Variants in FMN2 observed in about 807,000 individuals in gnomAD.
FMN2 encodes the protein formin 2, also known as formin-2.
FMN2 carries 51 observed loss-of-function variants against 142.3 expected under a neutral mutation model. The observed-to-expected ratio is 0.36, with a 90% CI of 0.29 to 0.45. FMN2 has a LOEUF of 0.45. Ranked by LOEUF, FMN2 falls within the 20% of genes least tolerant of loss-of-function variation. The pLI, the probability that FMN2 is intolerant of heterozygous loss-of-function variation, is 1.00. For missense variants in FMN2, 1,936 were observed against 2,122.8 expected, an observed-to-expected ratio of 0.91 and a Z score of 1.73; for synonymous variants, 882 against 869.8, an observed-to-expected ratio of 1.01 and a Z score of -0.25.
rs1671310337 is a variant in FMN2 at position 240,329,551 on chromosome 1, T to C, written c.4437+83T>C. The C allele has an allele frequency of 2.0e-6, 3 of 1,529,260 alleles. No individual in the cohort carries two copies. The African/African-American group carries it at 4.2e-5, about 21-fold the overall frequency. 94.7% of individuals were successfully genotyped at this position (1,529,260 alleles called of 1,614,324 possible). A position where few individuals can be genotyped will look rare whatever the true frequency, so the allele number is the denominator to read the frequency against. ...GTTCTTATTTCAGAAAAGCATTCTTTTATTTACTCTAAGTACTCACCAAAT... is the reference window on the plus strand; with the variant it reads ...GTTCTTATTTCAGAAAAGCATTCTTCTATTTACTCTAAGTACTCACCAAAT... On this transcript the variant is annotated intron_variant, in intron 10 of 17. Coordinates refer to ENST00000319653, the MANE Select transcript of FMN2 (RefSeq NM_020066.5).
At chr1:240,095,225 C>T (rs12143985) in intron 1 of FMN2, among the ~76,000 whole-genome samples, 75,491 of 151,798 alleles carry the variant, frequency 0.5, 20,365 homozygotes, top group Non-Finnish European at 0.61. Flanking sequence ...GTGACATTCA[C>T]GTATATAGTT....
At chr1:240,458,821 G>C (rs1676339909) in intron 16 of FMN2, 1 of 151,962 alleles carries the variant, frequency 6.6e-6, no homozygotes, top group Non-Finnish European at 1.5e-5. Flanking sequence ...TAAGTTTGTG[G>C]AACCAGTGAT....
At chr1:240,170,936 A>G (rs1664677659) in intron 2 of FMN2, 2 of 790,430 alleles carry the variant, frequency 2.5e-6, no homozygotes. Flanking sequence ...GTGCTCATTG[A>G]GCGGACTGAT....
intron 4 of FMN2, among the ~76,000 whole-genome samples, chr1:240,194,053 T>C (rs987025511): frequency 1.3e-5 from 2 of 152,088 alleles, no homozygotes; most frequent in East Asian, 3.9e-4. Context: ...TTTTTGTTTG[T>C]TTTTTGTTGT....
chr1:240,433,089 T>C (rs9726391), intron 15 of FMN2, among the ~76,000 whole-genome samples: 2,054 of 152,322 alleles, frequency 0.013, 56 homozygotes, highest in African/African-American at 0.046. Context: ...TGATTTTTCC[T>C]CTTTTTCCTT....
intron 3 of FMN2, among the ~76,000 whole-genome samples, chr1:240,187,269 CAAAAAAAAA>C (rs10610560): frequency 2.4e-5 from 2 of 83,794 alleles, no homozygotes; most frequent in Admixed American, 1.6e-4. Flanking sequence ...AACTCCATCT[CAAAAAAAAA>C]AAAAAAAAAA....
intron 2 of FMN2, chr1:240,170,997 A>G: frequency 1.2e-6 from 1 of 819,384 alleles, no homozygotes; most frequent in South Asian, 1.4e-5. Context: ...AGGTCGTGAG[A>G]GCAGCACTTG....
At chr1:240,251,442 G>C (rs1668275578) in intron 6 of FMN2, among the ~76,000 whole-genome samples, 1 of 152,074 alleles carries the variant, frequency 6.6e-6, no homozygotes, top group Admixed American at 6.6e-5. Flanking sequence ...GAAGATACTT[G>C]ATATGATTTC....
chr1:240,418,806 G>C (rs913782142), intron 15 of FMN2, among the ~76,000 whole-genome samples: 2 of 152,098 alleles, frequency 1.3e-5, no homozygotes, highest in Non-Finnish European at 2.9e-5. Context: ...GTTACCAAGA[G>C]TGTATAGTAA....
In FMN2 at chr1:240,187,269, C is replaced by CAAAA. The variant is rs10610560; in HGVS notation, c.1931-919_1931-916dup. Reference sequence around the variant, plus strand: ...TGGGTGAAAGAGCGAAACTCCATCTCAAAAAAAAAAAAAAAAAAAAAAGAA... The same window carrying CAAAA: ...TGGGTGAAAGAGCGAAACTCCATCTCAAAAAAAAAAAAAAAAAAAAAAAAAAGAA... On this transcript the variant is annotated intron_variant, in intron 3 of 17. Coordinates refer to ENST00000319653, the MANE Select transcript of FMN2 (RefSeq NM_020066.5). Among the ~76,000 whole-genome samples the CAAAA allele has an allele frequency of 8.8e-4, 74 of 83,746 alleles. No individual in the cohort carries two copies. The South Asian group carries it at 0.018, about 20-fold the overall frequency. 54.9% of individuals were successfully genotyped at this position (83,746 alleles called of 152,430 possible).
At chr1:240,336,250 G>T (rs987036071) in intron 13 of FMN2, among the ~76,000 whole-genome samples, 5 of 152,110 alleles carry the variant, frequency 3.3e-5, no homozygotes, top group African/African-American at 1.2e-4. Flanking sequence ...AGTGCTAGGT[G>T]CCTACATTTG....
At chr1:240,467,315 C>A (rs1385213020) in intron 16 of FMN2, among the ~76,000 whole-genome samples, 1 of 150,272 alleles carries the variant, frequency 6.7e-6, no homozygotes, top group Admixed American at 6.6e-5. Context: ...CACTCTATTG[C>A]CCAGGCTGGA....
rs1355299168 is a variant in FMN2 at position 240,144,319 on chromosome 1, T to C, written c.1782+20974T>C. On this transcript the variant is annotated intron_variant, in intron 2 of 17. Transcript: ENST00000319653. Reference sequence around the variant, plus strand: ...CACTGCCCCCAAACCTGTTGTTCTCTAGGTGGGTTTTGTAGATGTCATCAG... The same window carrying C: ...CACTGCCCCCAAACCTGTTGTTCTCCAGGTGGGTTTTGTAGATGTCATCAG... The C allele has an allele frequency of 3.1e-6, 5 of 1,606,882 alleles. No individual in the cohort carries two copies. In the African/African-American group the frequency reaches 6.7e-5, roughly 21 times the overall value.
At chr1:240,128,484 A>G (rs1662601473) in intron 2 of FMN2, among the ~76,000 whole-genome samples, 1 of 152,146 alleles carries the variant, frequency 6.6e-6, no homozygotes, top group Non-Finnish European at 1.5e-5. Context: ...TCATGAGCTT[A>G]TCTTTAAATG....
rs1337757714 is a variant in FMN2 at position 240,290,783 on chromosome 1, TTTTTTTTTTG to T, written c.4154-4029_4154-4020del. Among the ~76,000 whole-genome samples, 4 of 104,868 alleles carry T rather than the reference TTTTTTTTTTG, an allele frequency of 3.8e-5. No homozygotes were observed. The East Asian group carries it at 8.3e-4, about 22-fold the overall frequency. 68.8% of individuals were successfully genotyped at this position (104,868 alleles called of 152,430 possible). A position where few individuals can be genotyped will look rare whatever the true frequency, so the allele number is the denominator to read the frequency against. ...TGGAGTGATGTCTGTTTGTTTGGTT[TTTTTTTTTTG>T]TTTTTTTTTTTTTTTGAGACAGAGT... On this transcript the variant is annotated intron_variant, in intron 7 of 17. Coordinates refer to ENST00000319653, the MANE Select transcript of FMN2 (RefSeq NM_020066.5).
intron 7 of FMN2, among the ~76,000 whole-genome samples, chr1:240,265,882 G>A (rs1668778503): frequency 6.6e-6 from 1 of 151,054 alleles, no homozygotes; most frequent in Non-Finnish European, 1.5e-5. Context: ...TTGAAACTTA[G>A]GGCAACCAGT....
chr1:240,427,382 T>G (rs1674992723), intron 15 of FMN2, among the ~76,000 whole-genome samples: 1 of 151,864 alleles, frequency 6.6e-6, no homozygotes, highest in Admixed American at 6.6e-5. Context: ...ATTTTTTGTG[T>G]TTTTAGTAGA....
chr1:240,445,290 G>A (rs971660370), intron 16 of FMN2, among the ~76,000 whole-genome samples: 1 of 152,214 alleles, frequency 6.6e-6, no homozygotes, highest in Non-Finnish European at 1.5e-5. Context: ...TCTCATGAGA[G>A]AAACAGACAA....
At chr1:240,186,387 C>G (rs947687705) in intron 3 of FMN2, among the ~76,000 whole-genome samples, 2 of 152,052 alleles carry the variant, frequency 1.3e-5, no homozygotes, top group Non-Finnish European at 2.9e-5. Flanking sequence ...GGGGACACAA[C>G]AAGAGGAAAA....
Sources: gnomAD v4.1 joint callset for allele counts (sites outside exome capture counted in the v4.1 genomes callset) on GRCh38, gnomAD v4.1.1 for gene constraint, MANE v1.5 for transcripts, NCBI Gene and HGNC (gene_info 2026-07-23, HGNC 2026-07-21) for gene names.